Variants in PIEZO2 observed in about 807,000 individuals in gnomAD.
The protein encoded by PIEZO2 is piezo-type mechanosensitive ion channel component 2.
In PIEZO2, 172 loss-of-function variants were observed where a neutral mutation model predicts 337.3. The ratio of observed to expected loss-of-function variants is 0.51; its 90% CI spans 0.45 to 0.58. The LOEUF (loss-of-function observed/expected upper bound fraction) is 0.58, where lower values mean the gene tolerates loss of function less well. Among genes scored for constraint, PIEZO2 ranks in the 20% least tolerant of loss-of-function variants. The pLI, the probability that PIEZO2 is intolerant of heterozygous loss-of-function variation, is 0.00. For synonymous variants in PIEZO2, 1,251 were observed against 1,228.5 expected (o/e 1.02, Z -0.38); for missense variants, 3,028 against 3,391.3 (o/e 0.89, Z 2.66).
At chr18:10,733,346 G>C (rs959909724) in intron 35 of PIEZO2, among the ~76,000 whole-genome samples, 1 of 151,990 alleles carries the variant, frequency 6.6e-6, no homozygotes, top group Non-Finnish European at 1.5e-5. Flanking sequence ...ACAGTTCCAG[G>C]AATTATTAAG....
rs1485728571 is a variant in PIEZO2, at chr18:10,942,535, G to A, written c.287-31307C>T. Among the ~76,000 whole-genome samples the A allele has an allele frequency of 6.6e-6, 1 of 152,104 alleles. No individual in the cohort carries two copies. Among genetic ancestry groups the A allele is most frequent in the Admixed American group, 6.5e-5 (1 of 15,270 alleles). Reference sequence around the variant, plus strand: ...TTGAACTTGAGAGAGATGATTTAGGGTATCTGGCGGAAGAAATTTCTAAGC... The same window carrying A: ...TTGAACTTGAGAGAGATGATTTAGGATATCTGGCGGAAGAAATTTCTAAGC... On this transcript the variant is annotated intron_variant, in intron 3 of 55. Transcript: ENST00000674853. The surrounding 1 kb of genome is among the most constrained non-coding windows in gnomAD (Gnocchi z 4.4).
Position 10,942,569 on chromosome 18 carries a change from A to G in PIEZO2, c.287-31341T>C, listed in dbSNP as rs540231864. 6.6e-6 allele frequency among the ~76,000 whole-genome samples: 1 copy of G among 152,336 alleles called. No homozygotes were observed. Among genetic ancestry groups the G allele is most frequent in the African/African-American group, 2.4e-5 (1 of 41,574 alleles). On this transcript the variant is annotated intron_variant, in intron 3 of 55. Coordinates refer to ENST00000674853, the MANE Select transcript of PIEZO2 (RefSeq NM_001378183.1). This position sits in a 1 kb window ranked among gnomAD's most constrained non-coding sequence, Gnocchi z 4.4. The stretch of plus-strand genomic sequence containing the variant: ...GGAAGAAATTTCTAAGCAACAAAGT[A>G]TTCAAGAGGGTCCTGTAAAAGGCAT...
Position 10,689,277 on chromosome 18 carries a change from T to C in PIEZO2, c.7497+378A>G, listed in dbSNP as rs575549791. ...ACAAAGAGGTTAAATTGTCCATCCC[T>C]CTTCAAAAAGTGAGTCAGAAGTAAG... On this transcript the variant is annotated intron_variant, in intron 49 of 55. Transcript: ENST00000674853. 3.3e-4 allele frequency among the ~76,000 whole-genome samples: 50 copies of C among 152,258 alleles called. No homozygotes were observed. The South Asian group carries it at 1.0e-2, about 30-fold the overall frequency.
chr18:10,931,474 C>T (rs1165243886), intron 3 of PIEZO2, among the ~76,000 whole-genome samples: 5 of 152,190 alleles, frequency 3.3e-5, no homozygotes, highest in African/African-American at 1.2e-4. Context: ...GCTGGGATTA[C>T]AGGCGTGAGC....
intron 28 of PIEZO2, among the ~76,000 whole-genome samples, chr18:10,751,108 G>A (rs974064353): frequency 6.6e-6 from 1 of 152,182 alleles, no homozygotes; most frequent in African/African-American, 2.4e-5. Flanking sequence ...CAAAAATGTT[G>A]TAATAATTAT....
chr18:10,958,463 T>C (rs564508487), intron 3 of PIEZO2, among the ~76,000 whole-genome samples: 1 of 152,300 alleles, frequency 6.6e-6, no homozygotes, highest in Admixed American at 6.5e-5. Context: ...GTGTTTGCAA[T>C]CTATTGCACT....
Position 10,672,342 on chromosome 18 carries a change from C to A in PIEZO2, c.8345+348G>T, listed in dbSNP as rs73391362. On this transcript the variant is annotated intron_variant, in intron 55 of 55. Transcript: ENST00000674853. The surrounding 1 kb of genome is among the most constrained non-coding windows in gnomAD (Gnocchi z 4.7). ...TTTCAGAAGTTCAAAAGCAGGATGT[C>A]TAATAGATCCATCTGCTAAGGATTA... Among the ~76,000 whole-genome samples the A allele has an allele frequency of 2.0e-5, 3 of 152,196 alleles. No homozygotes were observed. Among genetic ancestry groups the A allele is most frequent in the African/African-American group, 7.2e-5 (3 of 41,522 alleles).
At chr18:10,836,408 C>A (rs2041015575) in intron 7 of PIEZO2, among the ~76,000 whole-genome samples, 1 of 152,182 alleles carries the variant, frequency 6.6e-6, no homozygotes, top group African/African-American at 2.4e-5. Flanking sequence ...CCTGTCTCCT[C>A]CCCATCCCTA....
At chr18:10,762,805 G>A (rs905288366) in intron 22 of PIEZO2, 117 bp downstream of exon 22, 2 of 1,348,786 alleles carry the variant, frequency 1.5e-6, no homozygotes, top group Admixed American at 2.4e-5. Flanking sequence ...ACCAGCCAGG[G>A]AGAGGTGACT....
At chr18:10,714,125 G>A (rs995175671) in intron 39 of PIEZO2, among the ~76,000 whole-genome samples, 5 of 152,080 alleles carry the variant, frequency 3.3e-5, no homozygotes, top group East Asian at 1.9e-4. Context: ...CCCTGTAACC[G>A]AATTCTGTCT....
At chr18:10,675,408 T>C in intron 53 of PIEZO2, 120 bp from the exon 54 acceptor site, 2 of 543,828 alleles carry the variant, frequency 3.7e-6, no homozygotes, top group Non-Finnish European at 6.3e-6. Context: ...TTCATATATC[T>C]GTACAATGTG....
At position 10,676,657 on chromosome 18, in the gene PIEZO2, G is replaced by A. The variant is rs903196571; in HGVS notation, c.8081+1090C>T. On this transcript the variant is annotated intron_variant, in intron 53 of 55. Coordinates refer to ENST00000674853, the MANE Select transcript of PIEZO2 (RefSeq NM_001378183.1). This position sits in a 1 kb window ranked among gnomAD's most constrained non-coding sequence, Gnocchi z 5.1. ...TTTTGGTGATTATGGTCAGATAAGA[G>A]CAAGGTTTGTCATCTAGAGATGAGA... 6.6e-6 allele frequency among the ~76,000 whole-genome samples: 1 copy of A among 152,206 alleles called. No homozygotes were observed. The highest frequency in any genetic ancestry group is 2.4e-5 in the African/African-American group (1 of 41,450).
rs1439689133 is a variant in PIEZO2, at chr18:11,009,315, G to A, written c.161-29655C>T. Reference sequence around the variant, plus strand: ...AGCCCCTTGGGAATCTTTAAGAATAGGATGGATGTCCAGACTCCACCCCTG... The same window carrying A: ...AGCCCCTTGGGAATCTTTAAGAATAAGATGGATGTCCAGACTCCACCCCTG... On this transcript the variant is annotated intron_variant, in intron 2 of 55. Transcript: ENST00000674853. The surrounding 1 kb of genome is among the most constrained non-coding windows in gnomAD (Gnocchi z 4.6). Among the ~76,000 whole-genome samples, 1 of 152,182 alleles carries A rather than the reference G, an allele frequency of 6.6e-6. No individual in the cohort carries two copies. The highest frequency in any genetic ancestry group is 1.5e-5 in the Non-Finnish European group (1 of 68,038).
At position 10,746,031 on chromosome 18, in the gene PIEZO2, T is replaced by G. The variant is rs920422879; in HGVS notation, c.4425-1800A>C. 3.9e-5 allele frequency among the ~76,000 whole-genome samples: 6 copies of G among 152,236 alleles called. No individual in the cohort carries two copies. The highest frequency in any genetic ancestry group is 1.4e-4 in the African/African-American group (6 of 41,468). On this transcript the variant is annotated intron_variant, in intron 30 of 55. Transcript: ENST00000674853. The surrounding 1 kb of genome is among the most constrained non-coding windows in gnomAD (Gnocchi z 4.2). The stretch of plus-strand genomic sequence containing the variant: ...TTCCTTCCAAGCAGTTTTCCAGCTG[T>G]GCCTATTTTGCCTCTGGAATATCTT...
At chr18:10,970,659 T>TTC (rs146379231) in intron 3 of PIEZO2, among the ~76,000 whole-genome samples, 7,151 of 117,074 alleles carry the variant, frequency 0.061, 211 homozygotes, top group Middle Eastern at 0.15. Flanking sequence ...AAAAAGATGT[T>TTC]TCACACACAC....
At chr18:10,900,199 A>ACT (rs1374818625) in intron 4 of PIEZO2, among the ~76,000 whole-genome samples, 8 of 151,896 alleles carry the variant, frequency 5.3e-5, no homozygotes, top group Non-Finnish European at 8.8e-5. Context: ...ACACACACAC[A>ACT]CACACACACA....
Position 11,022,927 on chromosome 18 carries a change from G to A in PIEZO2, c.160+43200C>T, listed in dbSNP as rs548445470. 8.5e-5 allele frequency among the ~76,000 whole-genome samples: 13 copies of A among 152,214 alleles called. No individual in the cohort carries two copies. In the South Asian group the frequency reaches 2.7e-3, roughly 32 times the overall value. ...AGAGTTTCTTCCTTCTGGTGGGTTC[G>A]TGGTCTCGCTGGCTCAGGAGTGAAG... On this transcript the variant is annotated intron_variant, in intron 2 of 55. Coordinates refer to ENST00000674853, the MANE Select transcript of PIEZO2 (RefSeq NM_001378183.1).
In PIEZO2 at chr18:10,748,723, T is replaced by C. The variant is rs1232422630; in HGVS notation, c.4265-93A>G. On this transcript the variant is annotated intron_variant, in intron 29 of 55. Transcript: ENST00000674853. This position sits in a 1 kb window ranked among gnomAD's most constrained non-coding sequence, Gnocchi z 5.1. ...GAGGTATGGTCAGGCTTGGGAAATA[T>C]AGGCATAAAAGCAGCATTCTGATGC... is the stretch of plus-strand genomic sequence containing the variant. 9 of 1,208,788 alleles carry C rather than the reference T, an allele frequency of 7.4e-6. No homozygotes were observed. Among genetic ancestry groups the C allele is most frequent in the Admixed American group, 3.2e-5 (1 of 31,030 alleles). 74.9% of individuals were successfully genotyped at this position (1,208,788 alleles called of 1,614,324 possible).
At chr18:10,690,581 C>T (rs2034771147) in intron 48 of PIEZO2, among the ~76,000 whole-genome samples, 1 of 152,194 alleles carries the variant, frequency 6.6e-6, no homozygotes, top group South Asian at 2.1e-4. Flanking sequence ...CACAGCGCTT[C>T]ACAGCATCTG....
Sources: allele counts gnomAD v4.1 joint callset (sites outside exome capture counted in the v4.1 genomes callset), GRCh38; gene constraint gnomAD v4.1.1; non-coding constraint Gnocchi (gnomAD v3.1); transcripts MANE v1.5; gene names NCBI Gene and HGNC (gene_info 2026-07-23, HGNC 2026-07-21).